COL4A1: variants seen among roughly 807,000 people sequenced by gnomAD.
COL4A1 encodes the protein collagen type IV alpha 1 chain.
Under a neutral mutation model 216.6 loss-of-function variants are expected in COL4A1, and 40 were observed. The observed-to-expected ratio is 0.18, with a 90% CI of 0.14 to 0.24. The LOEUF (loss-of-function observed/expected upper bound fraction) is 0.24. COL4A1 is among the 10% of genes least tolerant of loss of function. The pLI, the probability that COL4A1 is intolerant of heterozygous loss-of-function variation, is 1.00. For missense variants in COL4A1, 1,628 were observed against 2,196.8 expected, an observed-to-expected ratio of 0.74 and a Z score of 5.18; for synonymous variants, 839 against 810.7, an observed-to-expected ratio of 1.03 and a Z score of -0.59.
At chr13:110,217,110 G>A (rs989367170) in intron 2 of COL4A1, among the ~76,000 whole-genome samples, 13 of 152,114 alleles carry the variant, frequency 8.5e-5, no homozygotes, top group Admixed American at 4.6e-4. Flanking sequence ...AAGTGCACAC[G>A]AATAATCTAA....
rs1883841532 is a variant in COL4A1, at chr13:110,286,284, A to G, written c.84+20660T>C. On this transcript the variant is annotated intron_variant, in intron 1 of 51. Coordinates refer to ENST00000375820, the MANE Select transcript of COL4A1 (RefSeq NM_001845.6). ...GGGGCTTGGGATCACACCCAGGCCA[A>G]TAACCATCTGGTTTATTCACATGAG... Among the ~76,000 whole-genome samples the G allele has an allele frequency of 2.0e-5, 3 of 152,224 alleles. No homozygotes were observed. In the South Asian group the frequency reaches 6.2e-4, roughly 32 times the overall value.
At position 110,278,172 on chromosome 13, in the gene COL4A1, T is replaced by TC. The variant is rs529207049; in HGVS notation, c.84+28771dup. Among the ~76,000 whole-genome samples, 496 of 152,348 alleles carry TC rather than the reference T, an allele frequency of 3.3e-3. 6 individuals are homozygous for TC. Among genetic ancestry groups the TC allele is most frequent in the African/African-American group, 0.011 (466 of 41,586 alleles). ...TGGCAGATGGGTATAAATGATAATC[T>TC]CATAAAAGGTGAAGTGAGTTTCAAG... is the stretch of plus-strand genomic sequence containing the variant. On this transcript the variant is annotated intron_variant, in intron 1 of 51. Transcript: ENST00000375820.
intron 1 of COL4A1, among the ~76,000 whole-genome samples, chr13:110,251,267 T>G (rs1882060908): frequency 6.6e-6 from 1 of 152,342 alleles, no homozygotes; most frequent in South Asian, 2.1e-4. Context: ...ACCGGCCATG[T>G]GGGCTTCTGC....
intron 22 of COL4A1, among the ~76,000 whole-genome samples, chr13:110,193,307 C>G (rs1478052642): frequency 1.3e-5 from 2 of 152,234 alleles, no homozygotes; most frequent in African/African-American, 4.8e-5. Context: ...CATCCCCTTT[C>G]TCTTTGGTTG....
At chr13:110,274,828 T>C (rs1471948441) in intron 1 of COL4A1, among the ~76,000 whole-genome samples, 1 of 152,214 alleles carries the variant, frequency 6.6e-6, no homozygotes, top group Non-Finnish European at 1.5e-5. Context: ...AAAGCAGTGA[T>C]TGTGCCAACG....
chr13:110,236,515 G>A (rs1003609472), intron 2 of COL4A1, among the ~76,000 whole-genome samples: 1 of 152,296 alleles, frequency 6.6e-6, no homozygotes, highest in East Asian at 1.9e-4. Flanking sequence ...CTGTGAAAAG[G>A]GAAAAGAAGA....
At chr13:110,266,347 C>T (rs1325661915) in intron 1 of COL4A1, among the ~76,000 whole-genome samples, 2 of 152,212 alleles carry the variant, frequency 1.3e-5, no homozygotes, top group Admixed American at 6.5e-5. Context: ...GTGTCACAAC[C>T]CGCCTGGAGT....
intron 2 of COL4A1, among the ~76,000 whole-genome samples, chr13:110,224,180 T>A (rs1254064882): frequency 6.6e-6 from 1 of 152,182 alleles, no homozygotes; most frequent in Admixed American, 6.5e-5. Context: ...CGTCTTTTTT[T>A]TTGAAGTTCC....
intron 1 of COL4A1, among the ~76,000 whole-genome samples, chr13:110,306,190 C>A (rs1884697075): frequency 6.6e-6 from 1 of 152,018 alleles, no homozygotes; most frequent in African/African-American, 2.4e-5. Flanking sequence ...AAGCACATAA[C>A]CAAAGGAAAT....
At chr13:110,280,605 C>T (rs1883593002) in intron 1 of COL4A1, among the ~76,000 whole-genome samples, 3 of 152,256 alleles carry the variant, frequency 2.0e-5, no homozygotes, top group African/African-American at 7.2e-5. Context: ...TTACGTATTA[C>T]ACCTCTGAAG....
chr13:110,207,463 T>G lies in COL4A1; in HGVS notation c.720A>C (p.Pro240=). Residue 240 remains proline (P), a synonymous_variant, in exon 13 of 52, where the codon CCA becomes CCC. Coordinates refer to ENST00000375820, the MANE Select transcript of COL4A1 (RefSeq NM_001845.6). The surrounding 1 kb of genome is among the most constrained non-coding windows in gnomAD (Gnocchi z 4.4). Reference sequence around the variant, plus strand: ...GAACTTGAGCTTGTCCTGGTACTCCTGGAGGCCCACTGACCCCTTGGTCAC... The same window carrying G: ...GAACTTGAGCTTGTCCTGGTACTCCGGGAGGCCCACTGACCCCTTGGTCAC... ...DKGDQGVSGP[P]GVPGQAQVQE... is the part of the protein sequence containing the mutation. The G allele has an allele frequency of 6.2e-7, 1 of 1,614,148 alleles. No homozygotes were observed. The highest frequency in any genetic ancestry group is 8.5e-7 in the Non-Finnish European group (1 of 1,180,006).
At position 110,210,042 on chromosome 13, in the gene COL4A1, C is replaced by A; in HGVS notation, c.553G>T (p.Gly185Cys). 1.2e-6 allele frequency: 2 copies of A among 1,613,976 alleles called. No individual in the cohort carries two copies. Among genetic ancestry groups the A allele is most frequent in the Non-Finnish European group, 1.7e-6 (2 of 1,179,990 alleles). Reference sequence around the variant, plus strand: ...TGAAGCCCTGGCAGTCCTGGTGGGCCCTAGAATGCATGAGAAAGAAATGAG... The same window carrying A: ...TGAAGCCCTGGCAGTCCTGGTGGGCACTAGAATGCATGAGAAAGAAATGAG... ...RGFPGIPGTP[G>C]PPGLPGLQGP... The change falls in exon 10 of 52, where the codon GGC becomes TGC. Residue 185 changes from glycine (G) to cysteine (C), a missense_variant and splice_region_variant. Coordinates refer to ENST00000375820, the MANE Select transcript of COL4A1 (RefSeq NM_001845.6).
In COL4A1 at chr13:110,211,919, C is replaced by T. The variant is rs1194630673; in HGVS notation, c.391G>A (p.Glu131Lys). Residue 131 changes from glutamate (E) to lysine (K), a missense_variant, in exon 7 of 52, where the codon GAG (glutamate) becomes AAG (lysine). Transcript: ENST00000375820. The surrounding 1 kb of genome is among the most constrained non-coding windows in gnomAD (Gnocchi z 4.3). The part of the protein sequence containing the change: ...GIPGCNGTKG[E>K]RGPLGPPGLP... ...CCAGGAGGCCCGAGCGGCCCTCTCT[C>T]CCCCTGGGGAGACAGCAGAGCATCA... The T allele has an allele frequency of 8.7e-6, 14 of 1,614,136 alleles. No individual in the cohort carries two copies. Among genetic ancestry groups the T allele is most frequent in the Non-Finnish European group, 1.1e-5 (13 of 1,179,998 alleles).
chr13:110,292,616 T>C (rs181290294), intron 1 of COL4A1, among the ~76,000 whole-genome samples: 10 of 152,320 alleles, frequency 6.6e-5, no homozygotes, highest in Admixed American at 5.9e-4. Context: ...GCAAGGCATG[T>C]CTTACATGGT....
At position 110,207,013 on chromosome 13, in the gene COL4A1, T is replaced by C. The variant is rs1256320616; in HGVS notation, c.781-122A>G. 6.8e-6 allele frequency: 7 copies of C among 1,024,330 alleles called. No individual in the cohort carries two copies. Among genetic ancestry groups the C allele is most frequent in the Non-Finnish European group, 6.0e-6 (4 of 671,018 alleles). The allele number at this position is 1,024,330 out of a possible 1,614,324, so 63.5% of individuals were successfully genotyped here. A position where few individuals can be genotyped will look rare whatever the true frequency, so the allele number is the denominator to read the frequency against. Reference sequence around the variant, plus strand: ...TCTGATATATTAACAAAGAAATTCATGTTGATCTCCAGCACTCACTTGACA... The same window carrying C: ...TCTGATATATTAACAAAGAAATTCACGTTGATCTCCAGCACTCACTTGACA... On this transcript the variant is annotated intron_variant, in intron 13 of 51. Transcript: ENST00000375820. This position sits in a 1 kb window ranked among gnomAD's most constrained non-coding sequence, Gnocchi z 4.4.
At chr13:110,249,201 AGG>A in intron 1 of COL4A1, among the ~76,000 whole-genome samples, 1 of 152,254 alleles carries the variant, frequency 6.6e-6, no homozygotes, top group Admixed American at 6.5e-5. Context: ...TGGCAAAGGT[AGG>A]GACAAGGGAG....
At chr13:110,189,212 C>T (rs900274009) in intron 24 of COL4A1, among the ~76,000 whole-genome samples, 13 of 152,218 alleles carry the variant, frequency 8.5e-5, no homozygotes, top group African/African-American at 1.4e-4. Context: ...TATAGGCATA[C>T]GCCACCACAC....
At chr13:110,162,816 G>GCTC (rs1336890475) in intron 47 of COL4A1, among the ~76,000 whole-genome samples, 2 of 152,198 alleles carry the variant, frequency 1.3e-5, no homozygotes, top group African/African-American at 4.8e-5. Flanking sequence ...GAATCGTGGG[G>GCTC]CTCCTGTTGG....
intron 49 of COL4A1, among the ~76,000 whole-genome samples, chr13:110,156,865 T>A (rs1266953286): frequency 6.6e-6 from 1 of 152,160 alleles, no homozygotes; most frequent in African/African-American, 2.4e-5. Flanking sequence ...CATGGACTTG[T>A]GTGTGTGTCT....
Sources: gnomAD v4.1 joint callset for allele counts (sites outside exome capture counted in the v4.1 genomes callset) on GRCh38, gnomAD v4.1.1 for gene constraint, Gnocchi (gnomAD v3.1) non-coding constraint, MANE v1.5 for transcripts, NCBI Gene and HGNC (gene_info 2026-07-23, HGNC 2026-07-21) for gene names.